Variants in DIS3L2 observed in about 807,000 individuals in gnomAD.
DIS3L2 encodes the protein DIS3-like exonuclease 2.
DIS3L2 carries 34 observed loss-of-function variants against 97.5 expected under a neutral mutation model. The ratio of observed to expected loss-of-function variants is 0.35; its 90% confidence interval spans 0.27 to 0.46. DIS3L2 has a LOEUF of 0.46. DIS3L2 is among the 20% of genes least tolerant of loss of function. The probability of loss-of-function intolerance (pLI) is 1.00; values close to 1 mark genes in which losing one functional copy is unlikely to be tolerated. For synonymous variants in DIS3L2, 435 were observed against 445.2 expected (o/e 0.98, Z 0.29); for missense variants, 1,038 against 1,146.0 (o/e 0.91, Z 1.36).
chr2:231,981,023 A>G (rs1693239178), intron 1 of DIS3L2, among the ~76,000 whole-genome samples: 1 of 152,094 alleles, frequency 6.6e-6, no homozygotes, highest in South Asian at 2.1e-4. Flanking sequence ...GGCTCACTGC[A>G]ACCTCTGCCT....
chr2:232,339,565 C>T (rs1255748913), downstream of DIS3L2, among the ~76,000 whole-genome samples: 1 of 152,216 alleles, frequency 6.6e-6, no homozygotes. Flanking sequence ...ATGGTGAGCA[C>T]ATGCAGCCGA....
intron 6 of DIS3L2, among the ~76,000 whole-genome samples, chr2:232,105,046 G>A (rs1294545549): frequency 1.3e-5 from 2 of 152,164 alleles, no homozygotes; most frequent in Non-Finnish European, 2.9e-5. Flanking sequence ...TCAAACTCTT[G>A]AGATCAAGTG....
intron 5 of DIS3L2, among the ~76,000 whole-genome samples, chr2:232,063,834 C>T (rs912585777): frequency 6.6e-6 from 1 of 152,124 alleles, no homozygotes; most frequent in Non-Finnish European, 1.5e-5. Context: ...AGCGTCACCT[C>T]ACTGTAAGTG....
At chr2:232,248,374 T>C (rs1574970860) in intron 11 of DIS3L2, among the ~76,000 whole-genome samples, 1 of 151,970 alleles carries the variant, frequency 6.6e-6, no homozygotes, top group African/African-American at 2.4e-5. Context: ...AGAGGTGGGG[T>C]GGATGGTCCT....
chr2:232,165,850 G>A (rs187205327), intron 9 of DIS3L2, among the ~76,000 whole-genome samples: 1 of 151,980 alleles, frequency 6.6e-6, no homozygotes. Flanking sequence ...AAAGTAACTT[G>A]TATAACTTTA....
At chr2:232,078,478 T>G (rs997322746) in intron 5 of DIS3L2, among the ~76,000 whole-genome samples, 1 of 152,240 alleles carries the variant, frequency 6.6e-6, no homozygotes, top group African/African-American at 2.4e-5. Context: ...GATTTAGACT[T>G]CTTAACTCTT....
At chr2:232,301,624 T>C (rs919548364) in intron 14 of DIS3L2, among the ~76,000 whole-genome samples, 1 of 152,188 alleles carries the variant, frequency 6.6e-6, no homozygotes, top group Non-Finnish European at 1.5e-5. Context: ...AACTGGTGTG[T>C]ACCCCTAATT....
chr2:232,317,109 C>T (rs1695296365), intron 14 of DIS3L2, among the ~76,000 whole-genome samples: 1 of 152,210 alleles, frequency 6.6e-6, no homozygotes, highest in African/African-American at 2.4e-5. Context: ...ATGGACAGTC[C>T]TTGCAATGGA....
chr2:232,299,622 A>AT (rs11295697), intron 13 of DIS3L2, among the ~76,000 whole-genome samples: 1 of 151,982 alleles, frequency 6.6e-6, no homozygotes. Flanking sequence ...AAACATGGGG[A>AT]TTTTTTTCTT....
intron 13 of DIS3L2, among the ~76,000 whole-genome samples, chr2:232,274,053 C>T (rs1011798987): frequency 5.3e-5 from 8 of 152,104 alleles, no homozygotes; most frequent in African/African-American, 1.4e-4. Flanking sequence ...ACTTATATCC[C>T]GGTTGAAGTT....
chr2:231,998,351 A>G (rs954730183), intron 1 of DIS3L2, among the ~76,000 whole-genome samples: 2 of 152,230 alleles, frequency 1.3e-5, no homozygotes, highest in Non-Finnish European at 2.9e-5. Context: ...GCATTAATTC[A>G]TTCACTATGG....
chr2:232,177,141 T>C (rs543186591), intron 9 of DIS3L2, among the ~76,000 whole-genome samples: 1,603 of 146,222 alleles, frequency 0.011, 23 homozygotes, highest in African/African-American at 0.038. Context: ...AAACTCATCA[T>C]TTTTTATGGC....
intron 14 of DIS3L2, 28 bp from the exon 15 acceptor site, chr2:232,329,785 T>TGCCCGGGGGGGGCCCCC: frequency 1.0e-4 from 97 of 967,038 alleles, no homozygotes; most frequent in East Asian, 1.2e-4. Context: ...ACCCCAGCGG[T>TGCCCGGGGGGGGCCCCC]CCCTCCCATC....
At position 232,329,820 on chromosome 2, in the gene DIS3L2, G is replaced by GCC; in HGVS notation, c.1747_1748insCC (p.Glu583AlafsTer63). 6.7e-7 allele frequency: 1 copy of GCC among 1,485,410 alleles called. No individual in the cohort carries two copies. Among genetic ancestry groups the GCC allele is most frequent in the South Asian group, 1.3e-5 (1 of 77,808 alleles). 92.0% of individuals were successfully genotyped at this position (1,485,410 alleles called of 1,614,324 possible). ...CCCACCCACCCTCTGCAGGCTCGTG[G>GCC]AGGAGTTCATGCTCTTGGCCAACAT... On this transcript the variant is annotated frameshift_variant, in exon 15 of 21. Transcript: ENST00000325385. LOFTEE classifies it high-confidence loss of function.
chr2:232,046,530 T>C (rs1182476256), intron 5 of DIS3L2, among the ~76,000 whole-genome samples: 1 of 152,208 alleles, frequency 6.6e-6, no homozygotes, highest in Non-Finnish European at 1.5e-5. Context: ...TTATTATAGC[T>C]GGTCCTGGAG....
intron 1 of DIS3L2, among the ~76,000 whole-genome samples, chr2:231,988,009 A>G (rs777390081): frequency 4.6e-5 from 7 of 152,006 alleles, no homozygotes; most frequent in Non-Finnish European, 1.0e-4. Flanking sequence ...ACGCCCAGCT[A>G]GTTTTGTATT....
intron 11 of DIS3L2, among the ~76,000 whole-genome samples, chr2:232,247,616 C>CGAGG (rs1693289516): frequency 3.1e-4 from 2 of 6,526 alleles, no homozygotes; most frequent in African/African-American, 6.1e-4. Flanking sequence ...ATAACTGCCG[C>CGAGG]GGGGGGGGGG....
chr2:232,031,663 C>T (rs941778212), intron 5 of DIS3L2, among the ~76,000 whole-genome samples: 3 of 151,818 alleles, frequency 2.0e-5, no homozygotes, highest in East Asian at 1.9e-4. Flanking sequence ...CCGCACCCAC[C>T]GACAAGCCCC....
intron 11 of DIS3L2, among the ~76,000 whole-genome samples, chr2:232,239,766 A>T (rs368164139): frequency 1.3e-5 from 2 of 152,368 alleles, no homozygotes; most frequent in East Asian, 3.9e-4. Context: ...TCACAAAGGT[A>T]TTGGCACTTC....
Sources: allele counts gnomAD v4.1 joint callset (sites outside exome capture counted in the v4.1 genomes callset), GRCh38; gene constraint gnomAD v4.1.1; transcripts MANE v1.5; gene names NCBI Gene and HGNC (gene_info 2026-07-23, HGNC 2026-07-21).